FGF13: variants seen among roughly 807,000 people sequenced by gnomAD.
The protein encoded by FGF13 is fibroblast growth factor 13.
In FGF13, 2 loss-of-function variants were observed where a neutral mutation model predicts 19.5. That is an observed-to-expected ratio of 0.10 (90% confidence interval 0.04 to 0.32). The LOEUF is 0.32. Ranked by LOEUF, FGF13 falls within the 10% of genes least tolerant of loss-of-function variation. The pLI is 1.00. For missense variants in FGF13, 113 were observed against 192.7 expected (o/e 0.59, Z 2.45); for synonymous variants, 72 against 76.9 (o/e 0.94, Z 0.33).
At chrX:138,975,617 T>C (rs1389739098) in intron 1 of FGF13, among the ~76,000 whole-genome samples, 3 of 111,390 alleles carry the variant, frequency 2.7e-5, no homozygotes, top group Non-Finnish European at 5.6e-5. Flanking sequence ...TGAACTTCAA[T>C]TAGAAGAATG....
At chrX:138,747,004 A>G (rs897873675) in intron 3 of FGF13, among the ~76,000 whole-genome samples, 1 of 111,646 alleles carries the variant, frequency 9.0e-6, no homozygotes, top group African/African-American at 3.3e-5. Context: ...TAACCAGGGC[A>G]GACTCTAAGC....
intron 1 of FGF13, among the ~76,000 whole-genome samples, chrX:139,035,444 C>T (rs1357783660): frequency 9.0e-6 from 1 of 111,500 alleles, no homozygotes; most frequent in East Asian, 2.8e-4. Flanking sequence ...ATCTAATATG[C>T]AGCTATGGTT....
intron 1 of FGF13, among the ~76,000 whole-genome samples, chrX:139,052,906 G>C (rs1355671759): frequency 1.8e-5 from 2 of 110,604 alleles, no homozygotes; most frequent in Non-Finnish European, 3.8e-5. Flanking sequence ...TTGGTTACAT[G>C]AGTAAGGTCT....
chrX:139,079,716 TG>T (rs1238855819), intron 1 of FGF13, among the ~76,000 whole-genome samples: 2 of 111,373 alleles, frequency 1.8e-5, no homozygotes, highest in Non-Finnish European at 3.8e-5. Flanking sequence ...GTAAAGTCTT[TG>T]GCACTGAAAG....
chrX:139,136,930 G>A (rs961166750), intron 1 of FGF13, among the ~76,000 whole-genome samples: 1 of 111,822 alleles, frequency 8.9e-6, no homozygotes, highest in Non-Finnish European at 1.9e-5. Flanking sequence ...CCTGAAAGAC[G>A]AATTCCCAGA....
intron 1 of FGF13, among the ~76,000 whole-genome samples, chrX:138,951,464 G>T (rs757238422): frequency 5.0e-4 from 56 of 111,574 alleles, no homozygotes; most frequent in African/African-American, 1.8e-3. Flanking sequence ...AAAAGATTAA[G>T]TAAGCCACAG....
chrX:139,051,243 G>T (rs1465552992), intron 1 of FGF13, among the ~76,000 whole-genome samples: 1 of 111,811 alleles, frequency 8.9e-6, no homozygotes, highest in Non-Finnish European at 1.9e-5. Context: ...CATCATTCCA[G>T]CCCTAGAACT....
In FGF13 at chrX:138,624,313, A is replaced by G. The variant is rs1461336135; in HGVS notation, c.*8537T>C. On this transcript the variant is annotated 3_prime_UTR_variant, in exon 5 of 5. Transcript: ENST00000315930. ...AATCTTCAACAAAGGCACTAAAAAC[A>G]CATCATGGGGAAATATAGTCCATTC... The G allele has an allele frequency of 8.9e-6, 1 of 111,974 alleles. No homozygotes were observed. Among genetic ancestry groups the G allele is most frequent in the African/African-American group, 3.2e-5 (1 of 30,809 alleles). The allele number at this position is 111,974 out of a possible 1,213,427, so 9.2% of individuals were successfully genotyped here.
At chrX:138,695,269 G>A (rs933801353) in intron 3 of FGF13, among the ~76,000 whole-genome samples, 1 of 111,097 alleles carries the variant, frequency 9.0e-6, no homozygotes, top group African/African-American at 3.3e-5. Flanking sequence ...ATTAGAAAGT[G>A]GACTCTTGTC....
chrX:139,082,349 C>T (rs997430064), intron 1 of FGF13, among the ~76,000 whole-genome samples: 3 of 111,813 alleles, frequency 2.7e-5, no homozygotes, highest in Admixed American at 9.5e-5. Context: ...CTTTCCCCAT[C>T]TGCAGTGAGT....
At position 138,631,631 on chromosome X, in the gene FGF13, A is replaced by G. The variant is rs1165323493; in HGVS notation, c.*1219T>C. 8.9e-6 allele frequency: 1 copy of G among 112,756 alleles called. No homozygotes were observed. The highest frequency in any genetic ancestry group is 1.9e-5 in the Non-Finnish European group (1 of 53,311). 9.3% of individuals were successfully genotyped at this position (112,756 alleles called of 1,213,427 possible). A position where few individuals can be genotyped will look rare whatever the true frequency, so the allele number is the denominator to read the frequency against. ...CGTATTTGGGTATACAACAACAAAT[A>G]TTAAACAACTTTTTTAAACTTTTTG... is the stretch of plus-strand genomic sequence containing the variant. On this transcript the variant is annotated 3_prime_UTR_variant, in exon 5 of 5. Coordinates refer to ENST00000315930, the MANE Select transcript of FGF13 (RefSeq NM_004114.5).
chrX:138,944,941 T>C (rs1056761793), intron 1 of FGF13, among the ~76,000 whole-genome samples: 6 of 110,790 alleles, frequency 5.4e-5, no homozygotes, highest in Non-Finnish European at 9.5e-5. Context: ...ATGTATTGAG[T>C]GTCCACTATT....
chrX:138,782,420 T>A (rs1441375861), intron 3 of FGF13, among the ~76,000 whole-genome samples: 1 of 110,784 alleles, frequency 9.0e-6, no homozygotes, highest in Non-Finnish European at 1.9e-5. Flanking sequence ...AACCCCATTG[T>A]CTCAGCCCAA....
At chrX:139,177,238 C>CTTTT (rs35867493) in intron 1 of FGF13, among the ~76,000 whole-genome samples, 1,882 of 49,809 alleles carry the variant, frequency 0.038, 243 homozygotes, top group African/African-American at 0.17. Flanking sequence ...GCAACCCCTG[C>CTTTT]TTTTTTTTTT....
intron 1 of FGF13, among the ~76,000 whole-genome samples, chrX:138,872,110 G>C (rs2091360969): frequency 8.9e-6 from 1 of 112,127 alleles, no homozygotes; most frequent in Non-Finnish European, 1.9e-5. Flanking sequence ...GGAAGAAGTA[G>C]TTAGATTCTG....
chrX:139,054,162 G>A (rs1356134395), intron 1 of FGF13, among the ~76,000 whole-genome samples: 4 of 74,926 alleles, frequency 5.3e-5, no homozygotes, highest in Non-Finnish European at 9.1e-5. Flanking sequence ...TCTCGCTCTC[G>A]CCCAGTCTTG....
At chrX:138,797,314 T>G (rs2090786685) in intron 3 of FGF13, among the ~76,000 whole-genome samples, 1 of 111,804 alleles carries the variant, frequency 8.9e-6, no homozygotes, top group African/African-American at 3.2e-5. Context: ...AAATAGGGAA[T>G]CCTTTCCCTA....
intron 1 of FGF13, among the ~76,000 whole-genome samples, chrX:139,102,642 T>C (rs1327227519): frequency 1.8e-5 from 2 of 112,289 alleles, no homozygotes; most frequent in Non-Finnish European, 3.8e-5. Context: ...ATGATCATGA[T>C]AATAAGTCAT....
chrX:138,875,231 CAAA>C (rs748124343), intron 1 of FGF13, among the ~76,000 whole-genome samples: 1 of 39,832 alleles, frequency 2.5e-5, no homozygotes, highest in Non-Finnish European at 4.9e-5. Flanking sequence ...GACTCTGTCT[CAAA>C]AAAAAAAAAA....
Sources: gnomAD v4.1 joint callset for allele counts (sites outside exome capture counted in the v4.1 genomes callset) on GRCh38, gnomAD v4.1.1 for gene constraint, MANE v1.5 for transcripts, NCBI Gene and HGNC (gene_info 2026-07-23, HGNC 2026-07-21) for gene names.